SP100: variants seen among roughly 807,000 people sequenced by gnomAD.
SP100 encodes the protein SP100 nuclear body protein, also known as nuclear autoantigen Sp-100.
In SP100, 84 loss-of-function variants were observed where a neutral mutation model predicts 130.0. The observed-to-expected ratio is 0.65, with a 90% CI of 0.54 to 0.77. The LOEUF (loss-of-function observed/expected upper bound fraction) is 0.77, where lower values mean the gene tolerates loss of function less well. SP100 is among the 30% of genes least tolerant of loss of function. SP100 has a pLI of 0.00. For missense variants in SP100, 978 were observed against 1,052.2 expected, an observed-to-expected ratio of 0.93 and a Z score of 0.97; for synonymous variants, 331 against 351.7, an observed-to-expected ratio of 0.94 and a Z score of 0.66.
At chr2:230,457,987 A>G (rs2064371406) in intron 8 of SP100, among the ~76,000 whole-genome samples, 1 of 152,220 alleles carries the variant, frequency 6.6e-6, no homozygotes, top group South Asian at 2.1e-4. Context: ...GGAAAAAGAG[A>G]GTGAGTCTTT....
intron 24 of SP100, among the ~76,000 whole-genome samples, chr2:230,521,815 C>A (rs60615829): frequency 2.0e-5 from 3 of 152,196 alleles, no homozygotes; most frequent in Non-Finnish European, 4.4e-5. Context: ...CCTGCTGCTA[C>A]GGGCCCAAAC....
Position 230,416,229 on chromosome 2 carries a change from G to T in SP100, c.-68G>T, listed in dbSNP as rs1354282313. On this transcript the variant is annotated 5_prime_UTR_variant, in exon 1 of 29. Transcript: ENST00000340126. ...TGGGGCCTGGGCAGCCACACTGCAC[G>T]CAGGCTGGGCCGACTGAGGGGCTCA... The T allele has an allele frequency of 1.5e-5, 21 of 1,362,250 alleles. No individual in the cohort carries two copies. Among genetic ancestry groups the T allele is most frequent in the South Asian group, 1.2e-5 (1 of 83,918 alleles). 84.4% of individuals were successfully genotyped at this position (1,362,250 alleles called of 1,614,324 possible).
chr2:230,508,759 G>C (rs1690330775), intron 23 of SP100: 1 of 152,038 alleles, frequency 6.6e-6, no homozygotes, highest in African/African-American at 2.4e-5. Context: ...CTATATTTTA[G>C]AAATAAATAT....
intron 19 of SP100, among the ~76,000 whole-genome samples, chr2:230,499,869 G>A (rs2066917751): frequency 6.6e-6 from 1 of 152,120 alleles, no homozygotes; most frequent in South Asian, 2.1e-4. Flanking sequence ...TGGCTTGAGA[G>A]AAGGTATCTG....
intron 16 of SP100, 24 bp downstream of exon 16, chr2:230,473,464 G>T (rs1308042502): frequency 1.4e-6 from 2 of 1,416,888 alleles, no homozygotes; most frequent in Non-Finnish European, 2.0e-6. Context: ...AGGGTCTTGG[G>T]ATGGAAGTGG....
chr2:230,539,115 A>G, intron 24 of SP100, 152 bp from the exon 25 acceptor site: 2 of 509,826 alleles, frequency 3.9e-6, no homozygotes, highest in Non-Finnish European at 7.2e-6. Flanking sequence ...ACTTTGCCGC[A>G]GACCAAAATG....
intron 19 of SP100, among the ~76,000 whole-genome samples, 198 bp downstream of exon 19, chr2:230,498,733 C>A (rs2066839962): frequency 6.6e-6 from 1 of 152,120 alleles, no homozygotes; most frequent in Admixed American, 6.6e-5. Context: ...GAATCTGCAA[C>A]CATACCCCAG....
chr2:230,541,100 C>A, intron 26 of SP100, 104 bp downstream of exon 26: 4 of 1,419,656 alleles, frequency 2.8e-6, no homozygotes, highest in Non-Finnish European at 2.9e-6. Flanking sequence ...AAGCAAACTG[C>A]TGGCCTATGG....
intron 23 of SP100, 130 bp from the exon 24 acceptor site, chr2:230,510,995 A>G (rs1409042910): frequency 2.8e-6 from 2 of 719,392 alleles, no homozygotes; most frequent in African/African-American, 3.6e-5. Flanking sequence ...GTACAGGTCC[A>G]TAAAAGCAGA....
In SP100 at chr2:230,541,903, G is replaced by A. The variant is rs1478000810; in HGVS notation, c.2415G>A (p.Gly805=). The part of the protein sequence containing the change: ...FASEPYYNRE[G]SQGPQKPMWL... Reference sequence around the variant, plus strand: ...CTTTTACTCAACAGAACAGAGAGGGGTCTCAGGGCCCACAGAAGCCCATGT... The same window carrying A: ...CTTTTACTCAACAGAACAGAGAGGGATCTCAGGGCCCACAGAAGCCCATGT... The change falls in exon 28 of 29, where the codon GGG becomes GGA. Residue 805 remains glycine (G), a synonymous_variant. Transcript: ENST00000340126. 4 of 1,614,026 alleles carry A rather than the reference G, an allele frequency of 2.5e-6. No individual in the cohort carries two copies. The highest frequency in any genetic ancestry group is 2.2e-5 in the South Asian group (2 of 91,052).
At chr2:230,536,040 G>T (rs1215541432) in intron 24 of SP100, among the ~76,000 whole-genome samples, 2 of 151,446 alleles carry the variant, frequency 1.3e-5, no homozygotes, top group Non-Finnish European at 1.5e-5. Flanking sequence ...GCCAGTTTAA[G>T]ATAGCCTACA....
In SP100 at chr2:230,545,188, C is replaced by T. The variant is rs1692274202; in HGVS notation, c.*2242C>T. ...CAAAGATACAGAATCAACCTAAGTG[C>T]CCATCAGTAACAGATTGGATAAAGA... On this transcript the variant is annotated 3_prime_UTR_variant, in exon 29 of 29. Coordinates refer to ENST00000340126, the MANE Select transcript of SP100 (RefSeq NM_001080391.2). Among the ~76,000 whole-genome samples, 1 of 152,182 alleles carries T rather than the reference C, an allele frequency of 6.6e-6. No individual in the cohort carries two copies. Among genetic ancestry groups the T allele is most frequent in the South Asian group, 2.1e-4 (1 of 4,828 alleles).
chr2:230,490,231 C>A (rs1234648386), intron 17 of SP100, among the ~76,000 whole-genome samples: 1 of 152,010 alleles, frequency 6.6e-6, no homozygotes, highest in Non-Finnish European at 1.5e-5. Flanking sequence ...TGAATTTTTC[C>A]CTTTACCATT....
chr2:230,418,991 G>A (rs111567440), intron 2 of SP100, among the ~76,000 whole-genome samples: 1,632 of 152,264 alleles, frequency 0.011, 37 homozygotes, highest in African/African-American at 0.037. Context: ...TCAATTTGAA[G>A]AGAATGGACA....
rs2067199001 is a variant in SP100, at chr2:230,504,277, G to C, written c.1857G>C (p.Glu619Asp). Residue 619 changes from glutamate (E) to aspartate (D), a missense_variant, in exon 21 of 29, where the codon GAG (glutamate) becomes GAC (aspartate). Transcript: ENST00000340126. ...AGGTGAAGGGCACTCTATATAAGGA[G>C]CGATTCAAACAAGGTGAGTTTACTG... is the stretch of plus-strand genomic sequence containing the variant. ...CGEVKGTLYKERFKQGTSKKC... is the reference protein window; with the variant it reads ...CGEVKGTLYKDRFKQGTSKKC... 6.3e-7 allele frequency: 1 copy of C among 1,598,458 alleles called. No individual in the cohort carries two copies. The highest frequency in any genetic ancestry group is 1.7e-5 in the Admixed American group (1 of 59,676).
chr2:230,543,486 A>C lies in SP100; in HGVS notation c.*540A>C, dbSNP rs1692243833. ...TTCAGAATACAAAATTAGTATATGAAAATTACTAGTATTCCTATACACCAG... is the reference window on the plus strand; with the variant it reads ...TTCAGAATACAAAATTAGTATATGACAATTACTAGTATTCCTATACACCAG... On this transcript the variant is annotated 3_prime_UTR_variant, in exon 29 of 29. Transcript: ENST00000340126. The C allele has an allele frequency of 6.6e-6, 1 of 152,252 alleles. No homozygotes were observed. The allele number at this position is 152,252 out of a possible 1,614,324, so 9.4% of individuals were successfully genotyped here.
chr2:230,540,717 T>C lies in SP100; in HGVS notation c.2211-159T>C, dbSNP rs561526710. ...TGGTGGGAGGGCATGCCTTTGGCTA[T>C]TGAGTCCAAATGGGGCTCTAGTGCA... On this transcript the variant is annotated intron_variant, in intron 25 of 28. Transcript: ENST00000340126. Among the ~76,000 whole-genome samples the C allele has an allele frequency of 8.5e-5, 13 of 152,280 alleles. No homozygotes were observed. The South Asian group carries it at 2.7e-3, about 32-fold the overall frequency.
intron 24 of SP100, among the ~76,000 whole-genome samples, chr2:230,523,713 A>G (rs1691280458): frequency 6.6e-6 from 1 of 152,134 alleles, no homozygotes; most frequent in African/African-American, 2.4e-5. Flanking sequence ...GTTTGAGACC[A>G]GCCTGGCCAA....
chr2:230,452,896 T>G (rs924664014), intron 8 of SP100, among the ~76,000 whole-genome samples: 2 of 151,354 alleles, frequency 1.3e-5, no homozygotes, highest in Admixed American at 6.6e-5. Context: ...TAAGGACAAT[T>G]TAAAACTTCT....
Sources: gnomAD v4.1 joint callset for allele counts (sites outside exome capture counted in the v4.1 genomes callset) on GRCh38, gnomAD v4.1.1 for gene constraint, MANE v1.5 for transcripts, NCBI Gene and HGNC (gene_info 2026-07-23, HGNC 2026-07-21) for gene names.